Variants in TMEM68 observed in about 807,000 individuals in gnomAD.
TMEM68 encodes transmembrane protein 68.
TMEM68 carries 25 observed loss-of-function variants against 36.9 expected under a neutral mutation model. The ratio of observed to expected loss-of-function variants is 0.68; its 90% CI spans 0.49 to 0.95. The LOEUF is 0.95. Among genes scored for constraint, TMEM68 ranks in the 40% least tolerant of loss-of-function variants. The pLI is 0.00. For missense variants in TMEM68, 333 were observed against 392.0 expected (o/e 0.85, Z 1.27); for synonymous variants, 131 against 124.4 (o/e 1.05, Z -0.35).
At chr8:55,754,948 C>T (rs569008257) in intron 4 of TMEM68, among the ~76,000 whole-genome samples, 1,583 of 5,994 alleles carry the variant, frequency 0.26, 42 homozygotes, top group East Asian at 0.42. Context: ...TATTTATACA[C>T]ACACACACAC....
At chr8:55,755,373 T>C (rs907608859) in intron 4 of TMEM68, among the ~76,000 whole-genome samples, 5 of 151,898 alleles carry the variant, frequency 3.3e-5, no homozygotes, top group African/African-American at 4.8e-5. Flanking sequence ...TTCAAGTGAT[T>C]CTCTTGCCTC....
chr8:55,756,942 G>A (rs1231900154), intron 3 of TMEM68, among the ~76,000 whole-genome samples: 1 of 149,536 alleles, frequency 6.7e-6, no homozygotes, highest in Non-Finnish European at 1.5e-5. Flanking sequence ...ACAGAGTGGT[G>A]GCCTGGCACA....
At chr8:55,745,286 G>A in intron 5 of TMEM68, 165 bp from the exon 6 acceptor site, 3 of 397,770 alleles carry the variant, frequency 7.5e-6, no homozygotes, top group Middle Eastern at 6.6e-4. Flanking sequence ...AAGCTAAGCA[G>A]GGTCGGGTCT....
chr8:55,753,550 T>C (rs1347484999), intron 4 of TMEM68, among the ~76,000 whole-genome samples: 4 of 152,310 alleles, frequency 2.6e-5, no homozygotes, highest in African/African-American at 9.6e-5. Context: ...TAGTGACACA[T>C]GGATACCCAA....
chr8:55,762,610 C>G, intron 3 of TMEM68, 25 bp downstream of exon 3: 1 of 1,613,798 alleles, frequency 6.2e-7, no homozygotes, highest in Non-Finnish European at 8.5e-7. Context: ...AATGGCAACA[C>G]AAAGGTGAAA....
At chr8:55,767,478 A>G (rs1290459677) in intron 1 of TMEM68, among the ~76,000 whole-genome samples, 1 of 152,206 alleles carries the variant, frequency 6.6e-6, no homozygotes. Flanking sequence ...CCAAGTGAAG[A>G]CATTAAGTAG....
At chr8:55,746,330 A>C (rs1229998145) in intron 5 of TMEM68, 3 of 150,324 alleles carry the variant, frequency 2.0e-5, no homozygotes, top group Admixed American at 6.6e-5. Flanking sequence ...AAAAAAAAAA[A>C]AAAAAAAAAA....
chr8:55,771,972 C>T (rs10808902), intron 1 of TMEM68, among the ~76,000 whole-genome samples: 132,746 of 152,082 alleles, frequency 0.87, 57,976 homozygotes, highest in East Asian at 0.99. Context: ...CAAGACTTTT[C>T]TTTAATCCTA....
At chr8:55,762,391 T>TA in intron 3 of TMEM68, 1 of 489,196 alleles carries the variant, frequency 2.0e-6, no homozygotes, top group Non-Finnish European at 3.3e-6. Context: ...AATTTTCTTA[T>TA]TTCAACTTAT....
In TMEM68 at chr8:55,739,357, T is replaced by C. The variant is rs1010278162; in HGVS notation, c.*775A>G. On this transcript the variant is annotated 3_prime_UTR_variant, in exon 8 of 8. Coordinates refer to ENST00000434581, the MANE Select transcript of TMEM68 (RefSeq NM_001286657.2). ...GGCTGACAATGCACAGCACACCCTATATTGTTTGCCTATAGACTCTTGTTA... is the reference window on the plus strand; with the variant it reads ...GGCTGACAATGCACAGCACACCCTACATTGTTTGCCTATAGACTCTTGTTA... The C allele has an allele frequency of 2.0e-5, 3 of 152,590 alleles. No individual in the cohort carries two copies. Among genetic ancestry groups the C allele is most frequent in the African/African-American group, 4.8e-5 (2 of 41,462 alleles). The allele number at this position is 152,590 out of a possible 1,614,324, so 9.5% of individuals were successfully genotyped here.
rs760178036 is a variant in TMEM68 at position 55,750,996 on chromosome 8, C to T, written c.655G>A (p.Gly219Ser). ...TYNIVWGHRR[G>S]FAQVAIDAKV... ...GCATCAATTGCAACCTGAGCAAAGCCTCTGCGATGACCCCATACGATGTTA... is the reference window on the plus strand; with the variant it reads ...GCATCAATTGCAACCTGAGCAAAGCTTCTGCGATGACCCCATACGATGTTA... The change falls in exon 5 of 8, where the codon GGC becomes AGC. Residue 219 changes from glycine (G) to serine (S), a missense_variant. Gly to Ser is a moderately conservative substitution (Grantham distance 56, BLOSUM62 0). Coordinates refer to ENST00000434581, the MANE Select transcript of TMEM68 (RefSeq NM_001286657.2). 21 of 1,612,694 alleles carry T rather than the reference C, an allele frequency of 1.3e-5. No individual in the cohort carries two copies. Among genetic ancestry groups the T allele is most frequent in the Non-Finnish European group, 1.8e-5 (21 of 1,179,738 alleles).
At chr8:55,741,310 A>G (rs76508976) in intron 7 of TMEM68, among the ~76,000 whole-genome samples, 2,588 of 152,360 alleles carry the variant, frequency 0.017, 68 homozygotes, top group African/African-American at 0.059. Context: ...TCATACAGTT[A>G]TAAGGATTAA....
intron 3 of TMEM68, among the ~76,000 whole-genome samples, chr8:55,757,157 C>T (rs1810631150): frequency 6.6e-6 from 1 of 152,126 alleles, no homozygotes; most frequent in African/African-American, 2.4e-5. Context: ...GAACATCACT[C>T]CCACCCTACT....
chr8:55,771,718 T>C (rs915322540), intron 1 of TMEM68, among the ~76,000 whole-genome samples: 2 of 152,220 alleles, frequency 1.3e-5, no homozygotes, highest in Non-Finnish European at 2.9e-5. Context: ...ATTGAGAACA[T>C]TCTGAAAATG....
At chr8:55,754,905 A>G (rs1424738704) in intron 4 of TMEM68, among the ~76,000 whole-genome samples, 2 of 113,002 alleles carry the variant, frequency 1.8e-5, no homozygotes, top group African/African-American at 8.2e-5. Flanking sequence ...AAATACATAT[A>G]TTATATATTA....
intron 5 of TMEM68, among the ~76,000 whole-genome samples, chr8:55,748,591 G>A (rs1283324199): frequency 6.6e-6 from 1 of 151,966 alleles, no homozygotes; most frequent in Non-Finnish European, 1.5e-5. Context: ...GGGAGAGAGA[G>A]AGAGAGAATA....
At chr8:55,742,408 C>A (rs79146297) in intron 7 of TMEM68, among the ~76,000 whole-genome samples, 156 of 152,216 alleles carry the variant, frequency 1.0e-3, no homozygotes, top group Non-Finnish European at 1.7e-3. Flanking sequence ...ATTTGTTTTA[C>A]TATGTTTTAC....
chr8:55,764,468 T>C (rs1810902977), intron 1 of TMEM68, among the ~76,000 whole-genome samples: 1 of 152,204 alleles, frequency 6.6e-6, no homozygotes, highest in South Asian at 2.1e-4. Context: ...TACTGAAAAT[T>C]ATCTCAAGTC....
intron 7 of TMEM68, 113 bp downstream of exon 7, chr8:55,743,368 G>T: frequency 7.6e-7 from 1 of 1,315,476 alleles, no homozygotes; most frequent in Non-Finnish European, 1.0e-6. Flanking sequence ...CTCTGGTTGA[G>T]AACCACTGAC....
Sources: allele counts gnomAD v4.1 joint callset (sites outside exome capture counted in the v4.1 genomes callset), GRCh38; gene constraint gnomAD v4.1.1; transcripts MANE v1.5; gene names NCBI Gene and HGNC (gene_info 2026-07-23, HGNC 2026-07-21).